NAALADL2: variants seen among roughly 807,000 people sequenced by gnomAD.
NAALADL2 encodes N-acetylated alpha-linked acidic dipeptidase like 2, also known as inactive N-acetylated-alpha-linked acidic dipeptidase-like protein 2.
Under a neutral mutation model 87.2 loss-of-function variants are expected in NAALADL2, and 76 were observed. That is an observed-to-expected ratio of 0.87 (90% CI 0.72 to 1.05). NAALADL2 has a LOEUF of 1.05. Ranked by LOEUF, NAALADL2 falls within the 50% of genes least tolerant of loss-of-function variation. NAALADL2 has a pLI of 0.00. For synonymous variants in NAALADL2, 354 were observed against 331.0 expected, an observed-to-expected ratio of 1.07 and a Z score of -0.75; for missense variants, 1,089 against 945.8, an observed-to-expected ratio of 1.15 and a Z score of -1.99.
chr3:174,709,826 G>A (rs1055357581), intron 2 of NAALADL2, among the ~76,000 whole-genome samples: 1 of 152,168 alleles, frequency 6.6e-6, no homozygotes, highest in Non-Finnish European at 1.5e-5. Flanking sequence ...AGATGGACTG[G>A]CTACTGTTCT....
At chr3:174,773,898 G>A (rs1477349344) in intron 3 of NAALADL2, among the ~76,000 whole-genome samples, 2 of 152,110 alleles carry the variant, frequency 1.3e-5, no homozygotes, top group South Asian at 2.1e-4. Flanking sequence ...GATGAGAGGA[G>A]TAATGAGCAC....
intron 2 of NAALADL2, among the ~76,000 whole-genome samples, chr3:174,719,377 A>T (rs576351642): frequency 2.0e-5 from 3 of 152,322 alleles, no homozygotes; most frequent in African/African-American, 7.2e-5. Context: ...TCTTCAAGCC[A>T]TAAGTTTATT....
intron 1 of NAALADL2, among the ~76,000 whole-genome samples, chr3:175,029,319 A>G (rs1332570832): frequency 6.6e-6 from 1 of 152,006 alleles, no homozygotes; most frequent in East Asian, 1.9e-4. Context: ...TGAAATTCCC[A>G]TTTAAATGTA....
intron 1 of NAALADL2, chr3:174,863,849 G>A: frequency 3.3e-6 from 1 of 302,736 alleles, no homozygotes. Context: ...ATTAACAGAA[G>A]TGCAAGGAGC....
At chr3:175,671,090 T>G (rs1346507499) in intron 11 of NAALADL2, among the ~76,000 whole-genome samples, 6 of 151,750 alleles carry the variant, frequency 4.0e-5, no homozygotes, top group Non-Finnish European at 7.4e-5. Context: ...AAAGGATACA[T>G]TATTTTACTT....
intron 2 of NAALADL2, among the ~76,000 whole-genome samples, chr3:174,602,567 A>T (rs140487434): frequency 0.016 from 2,424 of 150,978 alleles, 21 homozygotes; most frequent in Middle Eastern, 0.07. Flanking sequence ...ATTATATTTC[A>T]AATATAATTT....
intron 11 of NAALADL2, among the ~76,000 whole-genome samples, chr3:175,647,867 C>T (rs1730225678): frequency 1.3e-5 from 2 of 152,144 alleles, no homozygotes. Context: ...TCATTTCTTG[C>T]GCTTGTTAGT....
intron 2 of NAALADL2, among the ~76,000 whole-genome samples, chr3:175,226,835 C>T (rs918991643): frequency 1.6e-4 from 24 of 152,126 alleles, no homozygotes; most frequent in African/African-American, 5.3e-4. Context: ...ATGTTTATTA[C>T]AGTTTATCAT....
At chr3:175,196,434 G>T (rs1245164091) in intron 2 of NAALADL2, among the ~76,000 whole-genome samples, 1 of 151,798 alleles carries the variant, frequency 6.6e-6, no homozygotes, top group African/African-American at 2.4e-5. Context: ...AGTGATGTCT[G>T]GAAGCTCTTC....
intron 1 of NAALADL2, among the ~76,000 whole-genome samples, chr3:174,535,954 T>C (rs1346838079): frequency 6.6e-6 from 1 of 152,180 alleles, no homozygotes; most frequent in Non-Finnish European, 1.5e-5. Flanking sequence ...AAAAAATGAA[T>C]TCAATATTTA....
chr3:175,343,655 G>GTTTTTTTTTTGTTTTTTTTTTTTTT (rs771915195), intron 5 of NAALADL2, among the ~76,000 whole-genome samples: 1 of 64,726 alleles, frequency 1.5e-5, no homozygotes, highest in Non-Finnish European at 3.3e-5. Context: ...TCTTGATCAT[G>GTTTTTTTTTTGTTTTTTTTTTTTTT]TTTTTTTTTT....
chr3:175,324,030 AAAAAAAAAAAAAAG>A (rs1192675547), intron 4 of NAALADL2, 131 bp from the exon 5 acceptor site: 4 of 477,166 alleles, frequency 8.4e-6, no homozygotes, highest in African/African-American at 6.8e-5. Context: ...AAAACAAACA[AAAAAAAAAAAAAAG>A]AAAAAGAAAA....
At chr3:175,305,414 G>A (rs62286963) in intron 4 of NAALADL2, among the ~76,000 whole-genome samples, 36,797 of 152,036 alleles carry the variant, frequency 0.24, 4,630 homozygotes, top group Middle Eastern at 0.27. Context: ...TACATCTCTT[G>A]TGTAATGCTA....
chr3:175,149,047 G>A (rs1442998706), intron 2 of NAALADL2, among the ~76,000 whole-genome samples: 1 of 152,090 alleles, frequency 6.6e-6, no homozygotes, highest in Non-Finnish European at 1.5e-5. Context: ...GGCAGTATGA[G>A]CATTTTAATG....
chr3:174,826,514 C>G (rs977137336), intron 3 of NAALADL2, among the ~76,000 whole-genome samples: 7 of 152,182 alleles, frequency 4.6e-5, no homozygotes, highest in African/African-American at 1.7e-4. Context: ...GTGTCTGGTA[C>G]ATAATAAGTA....
chr3:175,133,806 T>A (rs1728654513), intron 2 of NAALADL2, among the ~76,000 whole-genome samples: 1 of 152,200 alleles, frequency 6.6e-6, no homozygotes, highest in African/African-American at 2.4e-5. Context: ...ATTTTCTTAA[T>A]TTTTTAATAG....
intron 2 of NAALADL2, among the ~76,000 whole-genome samples, chr3:174,611,206 C>A (rs1306215291): frequency 6.6e-6 from 1 of 151,318 alleles, no homozygotes; most frequent in African/African-American, 2.4e-5. Context: ...AGGAGATACA[C>A]CTAATGGTAA....
rs139803750 is a variant in NAALADL2 at position 175,227,876 on chromosome 3, C to T, written c.546-6055C>T. On this transcript the variant is annotated intron_variant, in intron 2 of 13. Coordinates refer to ENST00000454872, the MANE Select transcript of NAALADL2 (RefSeq NM_207015.3). ...TTTTCTTAAACAAGAGAAGCATGTA[C>T]ATTAAACTTGATAAATTTAAAATAA... 6.3e-4 allele frequency among the ~76,000 whole-genome samples: 96 copies of T among 151,968 alleles called. No homozygotes were observed. In the East Asian group the frequency reaches 8.5e-3, roughly 13 times the overall value.
At chr3:174,821,316 C>T (rs1721390684) in intron 3 of NAALADL2, among the ~76,000 whole-genome samples, 2 of 151,970 alleles carry the variant, frequency 1.3e-5, no homozygotes, top group South Asian at 4.1e-4. Flanking sequence ...CAATACCGGG[C>T]TTGAGGTCAA....
Sources: allele counts gnomAD v4.1 joint callset (sites outside exome capture counted in the v4.1 genomes callset), GRCh38; gene constraint gnomAD v4.1.1; transcripts MANE v1.5; gene names NCBI Gene and HGNC (gene_info 2026-07-23, HGNC 2026-07-21).